Variants in FGF14 observed in about 807,000 individuals in gnomAD.
The protein encoded by FGF14 is fibroblast growth factor homologous factor 4.
A neutral mutation model predicts 25.5 loss-of-function variants in FGF14; 5 were observed. The ratio of observed to expected loss-of-function variants is 0.20; its 90% CI spans 0.10 to 0.41. FGF14 has a LOEUF of 0.41. Ranked by LOEUF, FGF14 falls within the 10% of genes least tolerant of loss-of-function variation. The probability of loss-of-function intolerance (pLI) is 1.00; values close to 1 mark genes in which losing one functional copy is unlikely to be tolerated. For synonymous variants in FGF14, 138 were observed against 118.3 expected (o/e 1.17, Z -1.08); for missense variants, 222 against 320.1 (o/e 0.69, Z 2.34).
At chr13:101,959,048 T>A (rs1380576978) in intron 1 of FGF14, among the ~76,000 whole-genome samples, 1 of 152,128 alleles carries the variant, frequency 6.6e-6, no homozygotes, top group Non-Finnish European at 1.5e-5. Flanking sequence ...AAACCTTCAA[T>A]CTTCTAATGC....
At chr13:102,081,346 A>C (rs1207209156) in intron 1 of FGF14, among the ~76,000 whole-genome samples, 1 of 152,248 alleles carries the variant, frequency 6.6e-6, no homozygotes, top group African/African-American at 2.4e-5. Flanking sequence ...AGGTAAAGGA[A>C]TAACACTCTG....
intron 3 of FGF14, among the ~76,000 whole-genome samples, chr13:101,744,911 T>C (rs1164634094): frequency 6.6e-6 from 1 of 152,038 alleles, no homozygotes; most frequent in African/African-American, 2.4e-5. Context: ...TCCCCTGCCC[T>C]CAAAGACCTT....
chr13:102,066,191 G>T (rs989880469), intron 1 of FGF14, among the ~76,000 whole-genome samples: 1 of 152,056 alleles, frequency 6.6e-6, no homozygotes, highest in Non-Finnish European at 1.5e-5. Flanking sequence ...ATAGTAGAAT[G>T]CCCAGAATTT....
intron 1 of FGF14, among the ~76,000 whole-genome samples, chr13:102,006,157 G>C (rs1192823682): frequency 1.3e-5 from 2 of 152,050 alleles, no homozygotes; most frequent in Non-Finnish European, 2.9e-5. Context: ...ATCTTATTGG[G>C]GAAAATGTTA....
At chr13:102,089,781 G>C (rs934932924) in intron 1 of FGF14, among the ~76,000 whole-genome samples, 1 of 152,190 alleles carries the variant, frequency 6.6e-6, no homozygotes, top group Non-Finnish European at 1.5e-5. Flanking sequence ...GATTTCCTGA[G>C]TGGCTGAGAC....
chr13:102,070,831 CT>C (rs2043123911), intron 1 of FGF14, among the ~76,000 whole-genome samples: 1 of 152,028 alleles, frequency 6.6e-6, no homozygotes, highest in Non-Finnish European at 1.5e-5. Flanking sequence ...GTACAAAGAC[CT>C]ATTTTCATAT....
At chr13:102,018,914 T>C (rs2040488862) in intron 1 of FGF14, among the ~76,000 whole-genome samples, 1 of 152,158 alleles carries the variant, frequency 6.6e-6, no homozygotes, top group African/African-American at 2.4e-5. Context: ...AGTATGGGGC[T>C]TGCACATGTA....
intron 1 of FGF14, among the ~76,000 whole-genome samples, chr13:101,937,186 A>G (rs2035157679): frequency 6.6e-6 from 1 of 152,228 alleles, no homozygotes; most frequent in Non-Finnish European, 1.5e-5. Context: ...GATTAGTGGA[A>G]CTAATTGAGA....
chr13:101,895,472 T>TA (rs2030496428), intron 1 of FGF14, among the ~76,000 whole-genome samples: 1 of 152,118 alleles, frequency 6.6e-6, no homozygotes, highest in Admixed American at 6.6e-5. Context: ...TTTTGCACAA[T>TA]AAAAATACTT....
chr13:102,336,919 G>A (rs2056804541), intron 1 of FGF14, among the ~76,000 whole-genome samples: 1 of 152,140 alleles, frequency 6.6e-6, no homozygotes, highest in Non-Finnish European at 1.5e-5. Flanking sequence ...AAGACCTACT[G>A]TTCAGAACAA....
chr13:102,332,188 AGTT>A (rs2056653129), intron 1 of FGF14, among the ~76,000 whole-genome samples: 1 of 152,134 alleles, frequency 6.6e-6, no homozygotes, highest in African/African-American at 2.4e-5. Flanking sequence ...AACTTTTTAA[AGTT>A]TTTTTAAAGA....
At position 101,713,671 on chromosome 13, in the gene FGF14, A is replaced by C. The variant is rs1263278160; in HGVS notation, c.*9160T>G. ...TTGGATACCATTCATCATCTCATTT[A>C]TTTTCTTTTATTTTAAATATATCAT... On this transcript the variant is annotated 3_prime_UTR_variant, in exon 5 of 5. Transcript: ENST00000376143. The C allele has an allele frequency of 1.3e-5, 2 of 152,022 alleles. No individual in the cohort carries two copies. Among genetic ancestry groups the C allele is most frequent in the Non-Finnish European group, 2.9e-5 (2 of 68,002 alleles). 9.4% of individuals were successfully genotyped at this position (152,022 alleles called of 1,614,324 possible).
chr13:101,748,768 A>T (rs2037067270), intron 3 of FGF14, among the ~76,000 whole-genome samples: 1 of 150,734 alleles, frequency 6.6e-6, no homozygotes, highest in Admixed American at 6.6e-5. Context: ...AAAAAAAAAA[A>T]AAAAAAATAG....
intron 1 of FGF14, among the ~76,000 whole-genome samples, chr13:102,378,886 T>C (rs910275067): frequency 4.6e-5 from 7 of 152,100 alleles, no homozygotes; most frequent in African/African-American, 1.7e-4. Context: ...CAGAGGCATT[T>C]AGTGGCCTTT....
At chr13:102,217,823 A>T (rs2050439346) in intron 1 of FGF14, among the ~76,000 whole-genome samples, 1 of 152,148 alleles carries the variant, frequency 6.6e-6, no homozygotes, top group African/African-American at 2.4e-5. Context: ...TGCTGCCTTG[A>T]TGAGGGGAGC....
chr13:102,396,928 A>G (rs2058598785), intron 1 of FGF14, among the ~76,000 whole-genome samples: 1 of 152,230 alleles, frequency 6.6e-6, no homozygotes, highest in Admixed American at 6.5e-5. Context: ...GATGGAGTCT[A>G]AGGCCAACTA....
intron 1 of FGF14, among the ~76,000 whole-genome samples, chr13:101,998,292 T>C (rs2039297447): frequency 6.6e-6 from 1 of 152,212 alleles, no homozygotes; most frequent in Admixed American, 6.5e-5. Flanking sequence ...TTATGCAGTA[T>C]AAGGCCCTGG....
At chr13:101,980,977 C>T (rs553129266) in intron 1 of FGF14, among the ~76,000 whole-genome samples, 3 of 152,034 alleles carry the variant, frequency 2.0e-5, no homozygotes, top group East Asian at 1.9e-4. Flanking sequence ...TGTGGTGGCT[C>T]AAGCCTGTAA....
chr13:101,802,454 A>C (rs555648847), intron 3 of FGF14: 19 of 200,704 alleles, frequency 9.5e-5, no homozygotes, highest in Middle Eastern at 2.1e-3. Flanking sequence ...ATGAAAAAAA[A>C]ACTGTTTTAT....
Sources: gnomAD v4.1 joint callset for allele counts (sites outside exome capture counted in the v4.1 genomes callset) on GRCh38, gnomAD v4.1.1 for gene constraint, MANE v1.5 for transcripts, NCBI Gene and HGNC (gene_info 2026-07-23, HGNC 2026-07-21) for gene names.